Variants in CIITA observed in about 807,000 individuals in gnomAD.
The protein encoded by CIITA is MHC class II transactivator.
Under a neutral mutation model 115.1 loss-of-function variants are expected in CIITA, and 72 were observed. The ratio of observed to expected loss-of-function variants is 0.63; its 90% CI spans 0.52 to 0.76. CIITA has a LOEUF of 0.76. Among genes scored for constraint, CIITA ranks in the 30% least tolerant of loss-of-function variants. The pLI is 0.00. For missense variants in CIITA, 1,617 were observed against 1,463.8 expected (o/e 1.10, Z -1.71); for synonymous variants, 763 against 635.6 (o/e 1.20, Z -3.02).
At chr16:10,886,427 A>G (rs969619946) in intron 1 of CIITA, among the ~76,000 whole-genome samples, 2 of 152,224 alleles carry the variant, frequency 1.3e-5, no homozygotes, top group African/African-American at 4.8e-5. Flanking sequence ...CAAATAACAC[A>G]GCAGTAACCA....
chr16:10,867,482 G>A (rs1280484611), intron 1 of CIITA, among the ~76,000 whole-genome samples: 1 of 151,924 alleles, frequency 6.6e-6, no homozygotes, highest in African/African-American at 2.4e-5. Flanking sequence ...CAGAGACAGG[G>A]AGAAAAGGGA....
intron 10 of CIITA, 62 bp downstream of exon 10, chr16:10,904,874 C>T: frequency 6.5e-7 from 1 of 1,537,148 alleles, no homozygotes; most frequent in Admixed American, 1.7e-5. Flanking sequence ...TCTGGCTTCA[C>T]ATTGCTCATT....
At chr16:10,900,782 G>C (rs988923874) in intron 5 of CIITA, among the ~76,000 whole-genome samples, 3 of 151,790 alleles carry the variant, frequency 2.0e-5, no homozygotes, top group African/African-American at 7.3e-5. Flanking sequence ...AAAAGTGAAA[G>C]AATGGTACTA....
In CIITA at chr16:10,923,661, C is replaced by CG. The variant is rs1212772844; in HGVS notation, c.*23-214dup. ...CGGCTTGGTGGCTGCCCTGATGCTC[C>CG]GGGTTTGTCTCAGATGAACTTGCTT... On this transcript the variant is annotated intron_variant, in intron 19 of 19. Transcript: ENST00000324288. This position sits in a 1 kb window ranked among gnomAD's most constrained non-coding sequence, Gnocchi z 5.2. 1.4e-4 allele frequency among the ~76,000 whole-genome samples: 21 copies of CG among 152,262 alleles called. No individual in the cohort carries two copies. Among genetic ancestry groups the CG allele is most frequent in the African/African-American group, 5.1e-4 (21 of 41,554 alleles).
chr16:10,881,839 T>G (rs887280626), intron 1 of CIITA, among the ~76,000 whole-genome samples: 23 of 152,168 alleles, frequency 1.5e-4, no homozygotes, highest in African/African-American at 5.1e-4. Flanking sequence ...CCACTGCCCC[T>G]TCCACCCAGC....
chr16:10,897,848 T>A (rs543702398), intron 3 of CIITA, among the ~76,000 whole-genome samples: 17 of 152,164 alleles, frequency 1.1e-4, no homozygotes, highest in Non-Finnish European at 1.8e-4. Context: ...ATTATGGCCA[T>A]CATTCCATTC....
chr16:10,908,552 A>C (rs182379144), intron 11 of CIITA: 27 of 412,722 alleles, frequency 6.5e-5, no homozygotes, highest in Middle Eastern at 7.7e-4. Context: ...TCCATTTTGT[A>C]TTCAGCAACC....
chr16:10,941,214 G>GTGTAGA, downstream of CIITA: 1 of 155,658 alleles, frequency 6.4e-6, no homozygotes, highest in Admixed American at 6.3e-5. The surrounding 1 kb of genome is among the most constrained non-coding windows in gnomAD (Gnocchi z 6.4). Flanking sequence ...AAAAGCCAAG[G>GTGTAGA]TCATCATCAA....
intron 16 of CIITA, among the ~76,000 whole-genome samples, chr16:10,918,990 T>C (rs907950702): frequency 6.6e-6 from 1 of 152,064 alleles, no homozygotes; most frequent in Non-Finnish European, 1.5e-5. Context: ...ATCCAGGCCC[T>C]GGTGTGGTCC....
At chr16:10,878,030 A>G (rs978358119) in intron 1 of CIITA, among the ~76,000 whole-genome samples, 7 of 152,100 alleles carry the variant, frequency 4.6e-5, no homozygotes, top group Non-Finnish European at 2.9e-5. Context: ...TCTCGAGTCA[A>G]TTTTCCTGGA....
chr16:10,910,716 T>A (rs1188104935), intron 13 of CIITA, among the ~76,000 whole-genome samples: 5 of 152,190 alleles, frequency 3.3e-5, no homozygotes, highest in Non-Finnish European at 7.3e-5. Flanking sequence ...AAAGGCCCAA[T>A]GTGTCCCCAA....
At chr16:10,881,030 T>G (rs1045574975) in intron 1 of CIITA, among the ~76,000 whole-genome samples, 12 of 152,070 alleles carry the variant, frequency 7.9e-5, no homozygotes, top group African/African-American at 2.9e-4. Context: ...TCCTAGCACT[T>G]TGGGAGGCCG....
chr16:10,908,920 G>A lies in CIITA; in HGVS notation c.2658-109G>A. On this transcript the variant is annotated intron_variant, in intron 11 of 19. Transcript: ENST00000324288. ...GCTTTCTGGGAAAGGTAGAGGTTGA[G>A]CTAAGGAAAGAAAGTATTTTAATAG... The A allele has an allele frequency of 2.0e-6, 3 of 1,515,546 alleles. No individual in the cohort carries two copies. The Admixed American group carries it at 5.1e-5, about 26-fold the overall frequency. 93.9% of individuals were successfully genotyped at this position (1,515,546 alleles called of 1,614,324 possible).
intron 15 of CIITA, chr16:10,917,137 G>A (rs2039996297): frequency 5.2e-6 from 1 of 194,086 alleles, no homozygotes. Context: ...TCTGGGCTCT[G>A]GGAAGTTGGA....
intron 2 of CIITA, 109 bp from the exon 3 acceptor site, chr16:10,895,560 C>G: frequency 1.9e-6 from 3 of 1,555,962 alleles, no homozygotes; most frequent in Admixed American, 1.7e-5. Context: ...CTGTGGGACG[C>G]TCTCTGCAGA....
chr16:10,898,522 C>T (rs1477810442), intron 3 of CIITA, 148 bp from the exon 4 acceptor site: 5 of 545,966 alleles, frequency 9.2e-6, no homozygotes, highest in African/African-American at 7.8e-5. Flanking sequence ...AGTGTTCATT[C>T]ATTTGTTTGA....
chr16:10,873,189 G>A (rs1377357609), upstream of CIITA, among the ~76,000 whole-genome samples: 1 of 152,108 alleles, frequency 6.6e-6, no homozygotes. Flanking sequence ...CCCACGGCTG[G>A]TCTCAAACTT....
At chr16:10,915,780 C>G (rs1043906880) in intron 14 of CIITA, 130 bp downstream of exon 14, 2 of 823,888 alleles carry the variant, frequency 2.4e-6, no homozygotes, top group Admixed American at 3.9e-5. Context: ...GCTGGGACCA[C>G]AGGTGCATGC....
Position 10,908,071 on chromosome 16 carries a change from C to T in CIITA, c.2579C>T (p.Ser860Phe). ...TTGGAGGCGGCGGGCCAAGACTTCT[C>T]CCTGGACCTCCGCAGCACTGGCATT... ...KALEAAGQDF[S>F]LDLRSTGICP... Residue 860 changes from serine to phenylalanine, a missense_variant, in exon 11 of 20, where the codon TCC (serine) becomes TTC (phenylalanine). By Grantham distance (155) the Ser-to-Phe change is radical. Transcript: ENST00000324288. 2.5e-6 allele frequency: 4 copies of T among 1,611,920 alleles called. No individual in the cohort carries two copies. The highest frequency in any genetic ancestry group is 2.2e-5 in the East Asian group (1 of 44,790).
Sources: gnomAD v4.1 joint callset for allele counts (sites outside exome capture counted in the v4.1 genomes callset) on GRCh38, gnomAD v4.1.1 for gene constraint, Gnocchi (gnomAD v3.1) non-coding constraint, MANE v1.5 for transcripts, NCBI Gene and HGNC (gene_info 2026-07-23, HGNC 2026-07-21) for gene names.